The following RTN4RL1 variants were observed in gnomAD, a reference collection of about 807,000 sequenced individuals.
RTN4RL1 encodes the protein reticulon-4 receptor-like 1.
Under a neutral mutation model 25.6 loss-of-function variants are expected in RTN4RL1, and 7 were observed. The ratio of observed to expected loss-of-function variants is 0.27; its 90% CI spans 0.16 to 0.51. The LOEUF is 0.51. Among genes scored for constraint, RTN4RL1 ranks in the 20% least tolerant of loss-of-function variants. The probability of loss-of-function intolerance (pLI) is 0.97; values close to 1 mark genes in which losing one functional copy is unlikely to be tolerated. For missense variants in RTN4RL1, 500 were observed against 615.6 expected (o/e 0.81, Z 1.99); for synonymous variants, 297 against 288.2 (o/e 1.03, Z -0.31).
intron 1 of RTN4RL1, among the ~76,000 whole-genome samples, chr17:1,987,566 T>G (rs111481706): frequency 0.024 from 3,617 of 152,284 alleles, 133 homozygotes; most frequent in African/African-American, 0.081. Flanking sequence ...CCCAGTGGTT[T>G]TGTTTCCGTC....
At chr17:1,954,923 GA>G (rs1448255543) in intron 1 of RTN4RL1, among the ~76,000 whole-genome samples, 1 of 152,166 alleles carries the variant, frequency 6.6e-6, no homozygotes, top group Non-Finnish European at 1.5e-5. Context: ...ATGCTTACAG[GA>G]TAAGTTGACT....
Position 1,948,427 on chromosome 17 carries a change from C to T in RTN4RL1, c.14-10619G>A, listed in dbSNP as rs145451662. Among the ~76,000 whole-genome samples, 732 of 152,362 alleles carry T rather than the reference C, an allele frequency of 4.8e-3. 4 individuals carry two copies. Among genetic ancestry groups the T allele is most frequent in the African/African-American group, 0.016 (685 of 41,576 alleles). On this transcript the variant is annotated intron_variant, in intron 1 of 1. Coordinates refer to ENST00000331238, the MANE Select transcript of RTN4RL1 (RefSeq NM_178568.4). ...AGGCCGAGGGCTTCTGAGAGCTTGC[C>T]CTTCCCAGGAGGTTTCAGTGAAGGC...
intron 1 of RTN4RL1, among the ~76,000 whole-genome samples, chr17:2,012,838 G>A (rs974706843): frequency 6.6e-6 from 1 of 150,786 alleles, no homozygotes; most frequent in Non-Finnish European, 1.5e-5. Context: ...CTGTCACCCA[G>A]GCTGGAGTGA....
chr17:1,992,772 G>T (rs1375423862), intron 1 of RTN4RL1, among the ~76,000 whole-genome samples: 78 of 152,236 alleles, frequency 5.1e-4, no homozygotes, highest in Non-Finnish European at 1.8e-4. Context: ...GCCTTTGCCA[G>T]TACCTAATAA....
chr17:2,020,520 G>A (rs2067187264), intron 1 of RTN4RL1: 1 of 152,136 alleles, frequency 6.6e-6, no homozygotes, highest in African/African-American at 2.4e-5. Flanking sequence ...TCCCACAAAA[G>A]AGAAGCCCAA....
chr17:2,007,125 C>T (rs1158949173), intron 1 of RTN4RL1, among the ~76,000 whole-genome samples: 4 of 152,052 alleles, frequency 2.6e-5, no homozygotes, highest in East Asian at 1.9e-4. Flanking sequence ...CTTCTGGTGC[C>T]GCAGTTGAAA....
At chr17:2,012,238 C>A (rs913854333) in intron 1 of RTN4RL1, among the ~76,000 whole-genome samples, 17 of 152,294 alleles carry the variant, frequency 1.1e-4, no homozygotes, top group African/African-American at 4.1e-4. Flanking sequence ...TAAACTTTTC[C>A]AAGCGAGAGG....
intron 1 of RTN4RL1, among the ~76,000 whole-genome samples, chr17:1,992,074 G>A (rs2151319468): frequency 6.6e-6 from 1 of 152,184 alleles, no homozygotes; most frequent in Non-Finnish European, 1.5e-5. Flanking sequence ...TGCAGAAAAA[G>A]AGTCCTCGTG....
intron 1 of RTN4RL1, among the ~76,000 whole-genome samples, chr17:1,968,769 G>A (rs4239066): frequency 0.39 from 58,611 of 151,726 alleles, 11,674 homozygotes; most frequent in Admixed American, 0.53. Flanking sequence ...CATTGCACTT[G>A]TTCTTTGAAC....
chr17:1,961,644 G>A (rs193301514), intron 1 of RTN4RL1, among the ~76,000 whole-genome samples: 13 of 151,838 alleles, frequency 8.6e-5, no homozygotes, highest in Non-Finnish European at 1.0e-4. Context: ...AAAGTAGGCC[G>A]GGGCCAGGCG....
rs1240276832 is a variant in RTN4RL1, at chr17:1,935,506, C to G, written c.*990G>C. On this transcript the variant is annotated 3_prime_UTR_variant, in exon 2 of 2. Coordinates refer to ENST00000331238, the MANE Select transcript of RTN4RL1 (RefSeq NM_178568.4). ...CCCCTTCCTCACCGTCCCGCCGACACCTTGCCCCAGGCCCTTGGCAAGGCC... is the reference window on the plus strand; with the variant it reads ...CCCCTTCCTCACCGTCCCGCCGACAGCTTGCCCCAGGCCCTTGGCAAGGCC... The G allele has an allele frequency of 1.0e-6, 1 of 984,256 alleles. No homozygotes were observed. Among genetic ancestry groups the G allele is most frequent in the African/African-American group, 1.7e-5 (1 of 57,146 alleles). 61.0% of individuals were successfully genotyped at this position (984,256 alleles called of 1,614,324 possible).
At chr17:1,964,945 C>G (rs866479108) in intron 1 of RTN4RL1, among the ~76,000 whole-genome samples, 1 of 149,290 alleles carries the variant, frequency 6.7e-6, no homozygotes, top group Non-Finnish European at 1.5e-5. Context: ...TGCGCCACCA[C>G]GCCTGGCTAA....
At chr17:2,018,110 A>T (rs886548324) in intron 1 of RTN4RL1, 5 of 152,340 alleles carry the variant, frequency 3.3e-5, no homozygotes, top group Non-Finnish European at 7.3e-5. Flanking sequence ...CCCAGGAGGT[A>T]GGGAGCACTA....
chr17:1,974,748 C>T (rs1048766600), intron 1 of RTN4RL1, among the ~76,000 whole-genome samples: 5 of 152,034 alleles, frequency 3.3e-5, no homozygotes, highest in South Asian at 2.1e-4. Flanking sequence ...AAATACCCAG[C>T]GGTCACTCTC....
intron 1 of RTN4RL1, among the ~76,000 whole-genome samples, chr17:2,002,052 G>A (rs549612052): frequency 4.6e-5 from 7 of 151,194 alleles, no homozygotes; most frequent in Admixed American, 2.6e-4. Flanking sequence ...GAGGAGAGAC[G>A]CAGGGAGCTG....
intron 1 of RTN4RL1, among the ~76,000 whole-genome samples, chr17:1,949,816 C>A (rs547769066): frequency 9.9e-5 from 15 of 152,200 alleles, no homozygotes; most frequent in Non-Finnish European, 1.9e-4. Context: ...GAGATAGAGA[C>A]AAAGGAAGGG....
rs189434887 is a variant in RTN4RL1, at chr17:1,936,849, C to A, written c.973G>T (p.Ala325Ser). 7 of 1,585,646 alleles carry A rather than the reference C, an allele frequency of 4.4e-6. No individual in the cohort carries two copies. Among genetic ancestry groups the A allele is most frequent in the African/African-American group, 2.7e-5 (2 of 73,924 alleles). Reference protein sequence around the residue: ...SHTLTTTDRAARKEHHSPHGP... With the variant: ...SHTLTTTDRASRKEHHSPHGP... ...TGGGGTGAGTGGTGTTCCTTGCGGG[C>A]GGCCCTGTCGGTGGTGGTGAGCGTG... The change falls in exon 2 of 2, where the codon GCC becomes TCC. Residue 325 changes from alanine (A) to serine (S), a missense_variant. Ala to Ser is a moderately conservative substitution (Grantham distance 99). This residue lies in a region of RTN4RL1 where 268 missense variants were observed against 274.5 expected (regional missense o/e 0.98). Coordinates refer to ENST00000331238, the MANE Select transcript of RTN4RL1 (RefSeq NM_178568.4).
chr17:1,947,139 A>G (rs565376139), intron 1 of RTN4RL1, among the ~76,000 whole-genome samples: 1 of 127,764 alleles, frequency 7.8e-6, no homozygotes, highest in Non-Finnish European at 1.6e-5. Flanking sequence ...TCTATGTTGA[A>G]TGTGTGTCTG....
At chr17:1,953,504 T>G (rs959189999) in intron 1 of RTN4RL1, among the ~76,000 whole-genome samples, 5 of 152,136 alleles carry the variant, frequency 3.3e-5, no homozygotes, top group African/African-American at 1.2e-4. Flanking sequence ...TATACATATG[T>G]AACAAACCTG....
Sources: gnomAD v4.1 joint callset for allele counts (sites outside exome capture counted in the v4.1 genomes callset) on GRCh38, gnomAD v4.1.1 for gene constraint, gnomAD v4.1.1 regional missense constraint, MANE v1.5 for transcripts, NCBI Gene and HGNC (gene_info 2026-07-23, HGNC 2026-07-21) for gene names.